Variants in EPHA3 observed in about 807,000 individuals in gnomAD.
The protein encoded by EPHA3 is ephrin type-A receptor 3.
EPHA3 carries 42 observed loss-of-function variants against 107.1 expected under a neutral mutation model. That is an observed-to-expected ratio of 0.39 (90% CI 0.31 to 0.51). The LOEUF is 0.51. EPHA3 is among the 20% of genes least tolerant of loss of function. The pLI is 0.78. For synonymous variants in EPHA3, 461 were observed against 424.8 expected, an observed-to-expected ratio of 1.09 and a Z score of -1.05; for missense variants, 1,183 against 1,211.2, an observed-to-expected ratio of 0.98 and a Z score of 0.35.
chr3:89,442,369 T>A (rs1271211332), intron 13 of EPHA3, among the ~76,000 whole-genome samples: 1 of 152,126 alleles, frequency 6.6e-6, no homozygotes, highest in African/African-American at 2.4e-5. Flanking sequence ...AAATCCCACA[T>A]AATTTGTAGA....
At chr3:89,362,436 G>A (rs898560015) in intron 5 of EPHA3, among the ~76,000 whole-genome samples, 3 of 150,994 alleles carry the variant, frequency 2.0e-5, no homozygotes, top group Admixed American at 6.7e-5. Flanking sequence ...TGCAGTTGGC[G>A]CCAGGCAGCT....
At chr3:89,137,215 T>G (rs1704332898) in intron 2 of EPHA3, among the ~76,000 whole-genome samples, 1 of 151,940 alleles carries the variant, frequency 6.6e-6, no homozygotes, top group African/African-American at 2.4e-5. Context: ...CATTATGTTT[T>G]CAAGCTTCCA....
chr3:89,208,777 T>C (rs1192763219), intron 2 of EPHA3, among the ~76,000 whole-genome samples: 1 of 152,160 alleles, frequency 6.6e-6, no homozygotes, highest in Admixed American at 6.6e-5. Context: ...TAACATGTGG[T>C]TTAGGACCAG....
At chr3:89,387,284 C>A (rs1708641513) in intron 5 of EPHA3, among the ~76,000 whole-genome samples, 2 of 152,122 alleles carry the variant, frequency 1.3e-5, no homozygotes, top group South Asian at 4.2e-4. Context: ...GTAATTAAAT[C>A]ATGGGGACAG....
intron 3 of EPHA3, among the ~76,000 whole-genome samples, chr3:89,314,629 T>G (rs1209395693): frequency 1.3e-5 from 2 of 151,950 alleles, no homozygotes. Flanking sequence ...ATCAGTAACA[T>G]AAGATGCATT....
chr3:89,129,602 GTTT>G (rs11378105), intron 2 of EPHA3, among the ~76,000 whole-genome samples: 1 of 134,390 alleles, frequency 7.4e-6, no homozygotes, highest in African/African-American at 2.7e-5. Context: ...ACATTAGATT[GTTT>G]TTTTTTTTTT....
At chr3:89,415,326 A>G (rs568865498) in intron 10 of EPHA3, among the ~76,000 whole-genome samples, 3 of 150,816 alleles carry the variant, frequency 2.0e-5, no homozygotes, top group South Asian at 4.1e-4. Flanking sequence ...TACTTCCTAC[A>G]TTCTTAATCT....
intron 2 of EPHA3, among the ~76,000 whole-genome samples, chr3:89,159,654 T>A (rs1473915581): frequency 6.6e-6 from 1 of 152,132 alleles, no homozygotes. Context: ...TGATTGTGTA[T>A]CTAAATATAG....
intron 3 of EPHA3, among the ~76,000 whole-genome samples, chr3:89,324,018 G>T (rs1333471440): frequency 6.6e-6 from 1 of 151,684 alleles, no homozygotes; most frequent in African/African-American, 2.4e-5. Context: ...ATGCTAACTT[G>T]GCATTTCCTA....
chr3:89,238,939 G>T (rs1236122399), intron 3 of EPHA3, among the ~76,000 whole-genome samples: 2 of 152,150 alleles, frequency 1.3e-5, no homozygotes, highest in Non-Finnish European at 2.9e-5. Context: ...CTCAGAAACA[G>T]AAACCTATTG....
chr3:89,192,253 C>G (rs1705735890), intron 2 of EPHA3, among the ~76,000 whole-genome samples: 1 of 152,072 alleles, frequency 6.6e-6, no homozygotes, highest in African/African-American at 2.4e-5. Context: ...GTTCTAGAAA[C>G]CACACTACAT....
intron 3 of EPHA3, among the ~76,000 whole-genome samples, chr3:89,236,909 A>T (rs1469674095): frequency 2.0e-5 from 3 of 152,156 alleles, no homozygotes; most frequent in Non-Finnish European, 2.9e-5. Context: ...CAATATGATT[A>T]GATGCATGTA....
intron 3 of EPHA3, among the ~76,000 whole-genome samples, chr3:89,243,223 A>G (rs898800914): frequency 6.6e-6 from 1 of 152,096 alleles, no homozygotes; most frequent in Non-Finnish European, 1.5e-5. Flanking sequence ...ATATGTGTGC[A>G]TGTTTCTTTA....
At chr3:89,460,070 G>C (rs1710191384) in intron 15 of EPHA3, among the ~76,000 whole-genome samples, 1 of 152,006 alleles carries the variant, frequency 6.6e-6, no homozygotes. Flanking sequence ...ACAGAAAAAT[G>C]AGAATGTGTT....
intron 13 of EPHA3, among the ~76,000 whole-genome samples, chr3:89,439,749 A>G (rs1206784297): frequency 6.6e-6 from 1 of 151,904 alleles, no homozygotes; most frequent in Non-Finnish European, 1.5e-5. Flanking sequence ...ACACACACAC[A>G]CACACATATA....
chr3:89,252,522 G>A (rs1705187716), intron 3 of EPHA3, among the ~76,000 whole-genome samples: 1 of 152,012 alleles, frequency 6.6e-6, no homozygotes, highest in South Asian at 2.1e-4. Context: ...CTTACCCCAG[G>A]GGTTCAAAAC....
chr3:89,314,899 A>G (rs1484605205), intron 3 of EPHA3, among the ~76,000 whole-genome samples: 2 of 151,950 alleles, frequency 1.3e-5, no homozygotes, highest in Admixed American at 6.6e-5. Context: ...CAAATATCAT[A>G]GAATGTACTT....
At chr3:89,257,493 C>G (rs940349228) in intron 3 of EPHA3, among the ~76,000 whole-genome samples, 3 of 152,036 alleles carry the variant, frequency 2.0e-5, no homozygotes, top group Non-Finnish European at 4.4e-5. Flanking sequence ...ATAGTTGATT[C>G]CTCATTTGAA....
intron 5 of EPHA3, among the ~76,000 whole-genome samples, chr3:89,377,226 G>A (rs1708419158): frequency 6.6e-6 from 1 of 152,080 alleles, no homozygotes; most frequent in African/African-American, 2.4e-5. Context: ...TTCTTTTAGT[G>A]AATGAAGAGA....
Sources: gnomAD v4.1 joint callset for allele counts (sites outside exome capture counted in the v4.1 genomes callset) on GRCh38, gnomAD v4.1.1 for gene constraint, MANE v1.5 for transcripts, NCBI Gene and HGNC (gene_info 2026-07-23, HGNC 2026-07-21) for gene names.